The following PPM1E variants were observed in gnomAD, a reference collection of about 807,000 sequenced individuals.
PPM1E encodes protein phosphatase, Mg2+/Mn2+ dependent 1E, also known as protein phosphatase 1E.
In PPM1E, 20 loss-of-function variants were observed where a neutral mutation model predicts 65.9. The observed-to-expected ratio is 0.30, with a 90% CI of 0.21 to 0.44. The LOEUF is 0.44. PPM1E is among the 20% of genes least tolerant of loss of function. PPM1E has a pLI of 1.00. For missense variants in PPM1E, 713 were observed against 953.1 expected, an observed-to-expected ratio of 0.75 and a Z score of 3.32; for synonymous variants, 352 against 374.9, an observed-to-expected ratio of 0.94 and a Z score of 0.70.
intron 1 of PPM1E, among the ~76,000 whole-genome samples, chr17:58,793,230 A>T (rs1345681542): frequency 6.6e-6 from 1 of 151,950 alleles, no homozygotes; most frequent in Admixed American, 6.6e-5. Flanking sequence ...GCTGATTCCC[A>T]TGATCTTTCT....
At chr17:58,933,598 C>A (rs961171291) in intron 1 of PPM1E, among the ~76,000 whole-genome samples, 1 of 151,620 alleles carries the variant, frequency 6.6e-6, no homozygotes. Context: ...GAGTTGGAGA[C>A]CAGCCTGGCC....
intron 1 of PPM1E, among the ~76,000 whole-genome samples, chr17:58,879,633 T>G (rs534479438): frequency 3.4e-3 from 504 of 149,648 alleles, no homozygotes; most frequent in Non-Finnish European, 5.8e-3. Context: ...CTCCGCCTCC[T>G]GAGTAGCCGG....
rs1166569235 is a variant in PPM1E, at chr17:58,984,424, C to T, written c.*3393C>T. On this transcript the variant is annotated 3_prime_UTR_variant, in exon 7 of 7. Transcript: ENST00000308249. ...CTTCCCCATCAAATCCTTGATAAGG[C>T]TTTGTGGGAAAATGATCTAAATTAT... 1 of 152,628 alleles carries T rather than the reference C, an allele frequency of 6.6e-6. No homozygotes were observed. The highest frequency in any genetic ancestry group is 1.9e-4 in the East Asian group (1 of 5,204). The allele number at this position is 152,628 out of a possible 1,614,324, so 9.5% of individuals were successfully genotyped here.
chr17:58,830,424 C>T (rs1197354336), intron 1 of PPM1E, among the ~76,000 whole-genome samples: 1 of 151,838 alleles, frequency 6.6e-6, no homozygotes, highest in Non-Finnish European at 1.5e-5. Flanking sequence ...TCTCCTGCCT[C>T]AGCCTCCCGA....
intron 1 of PPM1E, among the ~76,000 whole-genome samples, chr17:58,854,896 A>G (rs2050865981): frequency 6.6e-6 from 1 of 152,192 alleles, no homozygotes; most frequent in South Asian, 2.1e-4. Context: ...GCTGCTCCCA[A>G]AATTGGAGAT....
chr17:58,819,472 C>T (rs1007504656), intron 1 of PPM1E, among the ~76,000 whole-genome samples: 6 of 152,072 alleles, frequency 3.9e-5, no homozygotes, highest in African/African-American at 1.2e-4. Flanking sequence ...TTTCTAATTA[C>T]ATTTTTTGTT....
chr17:58,771,668 T>G (rs1257768608), intron 1 of PPM1E, among the ~76,000 whole-genome samples: 1 of 139,576 alleles, frequency 7.2e-6, no homozygotes. Context: ...AAAAGGAAAA[T>G]ATATGATTAA....
At chr17:58,826,584 A>G (rs1249234492) in intron 1 of PPM1E, among the ~76,000 whole-genome samples, 1 of 152,160 alleles carries the variant, frequency 6.6e-6, no homozygotes, top group Non-Finnish European at 1.5e-5. Context: ...AGTTTAACAT[A>G]TCAATGTAAC....
At chr17:58,843,993 G>A (rs1294751133) in intron 1 of PPM1E, among the ~76,000 whole-genome samples, 13 of 152,166 alleles carry the variant, frequency 8.5e-5, no homozygotes, top group Admixed American at 8.5e-4. Context: ...TTTAGGCAGA[G>A]CATTATAGTT....
At chr17:58,756,909 AG>A (rs1309239733) in intron 1 of PPM1E, among the ~76,000 whole-genome samples, 1 of 152,092 alleles carries the variant, frequency 6.6e-6, no homozygotes, top group Admixed American at 6.5e-5. Flanking sequence ...TCCCGGGCTG[AG>A]TGCCTTGTTG....
At chr17:58,883,019 A>T (rs541208065) in intron 1 of PPM1E, among the ~76,000 whole-genome samples, 2 of 124,596 alleles carry the variant, frequency 1.6e-5, no homozygotes, top group Non-Finnish European at 3.1e-5. Context: ...CAGTGGTGTG[A>T]TCTCGGCTCA....
chr17:58,928,053 C>G (rs1040389813), intron 1 of PPM1E, among the ~76,000 whole-genome samples: 11 of 151,316 alleles, frequency 7.3e-5, no homozygotes, highest in African/African-American at 2.4e-4. Context: ...GAGCAAGACT[C>G]CATCTCAATT....
At chr17:58,816,324 T>C (rs1179106922) in intron 1 of PPM1E, among the ~76,000 whole-genome samples, 1 of 152,156 alleles carries the variant, frequency 6.6e-6, no homozygotes, top group Non-Finnish European at 1.5e-5. Context: ...ACACCCAGCC[T>C]GTATGTAATA....
intron 6 of PPM1E, 84 bp from the exon 7 acceptor site, chr17:58,979,889 CA>C: frequency 3.8e-6 from 4 of 1,057,012 alleles, no homozygotes; most frequent in Non-Finnish European, 5.5e-6. Context: ...AAGCTGTGAT[CA>C]GAGTCATGGC....
At chr17:58,972,509 C>G (rs1285319290) in intron 5 of PPM1E, among the ~76,000 whole-genome samples, 5 of 152,116 alleles carry the variant, frequency 3.3e-5, no homozygotes, top group Non-Finnish European at 5.9e-5. Context: ...TGCCACCACG[C>G]CCAGCTAATT....
At position 58,955,654 on chromosome 17, in the gene PPM1E, G is replaced by C; in HGVS notation, c.470G>C (p.Cys157Ser). Residue 157 changes from cysteine (C) to serine (S), a missense_variant, in exon 2 of 7, where the codon TGC becomes TCC. This residue lies in a region of PPM1E where 84 missense variants were observed against 113.9 expected (regional missense o/e 0.74). Transcript: ENST00000308249. ...LCLQQLYKYN[C>S]PSFLAAALAR... ...TTTTATCTTTTTTCTTGCAGTAATT[G>C]CCCTTCCTTTTTGGCTGCTGCTTTA... The C allele has an allele frequency of 6.2e-7, 1 of 1,612,878 alleles. No homozygotes were observed. Among genetic ancestry groups the C allele is most frequent in the Non-Finnish European group, 8.5e-7 (1 of 1,179,780 alleles).
intron 1 of PPM1E, among the ~76,000 whole-genome samples, chr17:58,758,693 G>A (rs1463720335): frequency 6.6e-6 from 1 of 152,118 alleles, no homozygotes; most frequent in Non-Finnish European, 1.5e-5. Flanking sequence ...CATTTATATT[G>A]TGTTTTGTAC....
intron 1 of PPM1E, among the ~76,000 whole-genome samples, chr17:58,914,991 T>C (rs2051668036): frequency 6.6e-6 from 1 of 152,106 alleles, no homozygotes; most frequent in Non-Finnish European, 1.5e-5. Flanking sequence ...CAGACTTTGG[T>C]TGTTTTGCTG....
At chr17:58,846,450 A>G (rs1181602910) in intron 1 of PPM1E, among the ~76,000 whole-genome samples, 1 of 152,072 alleles carries the variant, frequency 6.6e-6, no homozygotes, top group East Asian at 1.9e-4. Flanking sequence ...ACTCTGGTGT[A>G]TGATGGTCCC....
Sources: gnomAD v4.1 joint callset for allele counts (sites outside exome capture counted in the v4.1 genomes callset) on GRCh38, gnomAD v4.1.1 for gene constraint, gnomAD v4.1.1 regional missense constraint, MANE v1.5 for transcripts, NCBI Gene and HGNC (gene_info 2026-07-23, HGNC 2026-07-21) for gene names.